ZC3HC1: variants seen among roughly 807,000 people sequenced by gnomAD.
The protein encoded by ZC3HC1 is zinc finger C3HC-type protein 1.
Under a neutral mutation model 61.9 loss-of-function variants are expected in ZC3HC1, and 38 were observed. That is an observed-to-expected ratio of 0.61 (90% confidence interval 0.47 to 0.81). The LOEUF (loss-of-function observed/expected upper bound fraction) is 0.81, where lower values mean the gene tolerates loss of function less well. Among genes scored for constraint, ZC3HC1 ranks in the 30% least tolerant of loss-of-function variants. ZC3HC1 has a pLI of 0.00. For missense variants in ZC3HC1, 554 were observed against 622.7 expected, an observed-to-expected ratio of 0.89 and a Z score of 1.17; for synonymous variants, 213 against 229.9, an observed-to-expected ratio of 0.93 and a Z score of 0.67.
At chr7:130,049,386 A>G (rs1794987391) in intron 1 of ZC3HC1, among the ~76,000 whole-genome samples, 1 of 152,074 alleles carries the variant, frequency 6.6e-6, no homozygotes, top group South Asian at 2.1e-4. Context: ...CCCATATCTA[A>G]ACTTCAATTT....
At chr7:130,034,620 G>A (rs1268855240) in intron 4 of ZC3HC1, among the ~76,000 whole-genome samples, 7 of 151,670 alleles carry the variant, frequency 4.6e-5, no homozygotes, top group African/African-American at 1.5e-4. Context: ...TCAACCTCAC[G>A]AGTAGCTTAG....
intron 4 of ZC3HC1, among the ~76,000 whole-genome samples, chr7:130,031,395 C>A (rs961703139): frequency 2.0e-5 from 3 of 151,530 alleles, no homozygotes; most frequent in African/African-American, 7.3e-5. Flanking sequence ...TTAGCAGTCA[C>A]CGGAGAGCAC....
In ZC3HC1 at chr7:130,047,087, C is replaced by T. The variant is rs191246494; in HGVS notation, c.258+1946G>A. 9.9e-4 allele frequency among the ~76,000 whole-genome samples: 151 copies of T among 152,230 alleles called. 3 individuals carry two copies. The East Asian group carries it at 0.02, about 20-fold the overall frequency. On this transcript the variant is annotated intron_variant, in intron 2 of 9. Coordinates refer to ENST00000358303, the MANE Select transcript of ZC3HC1 (RefSeq NM_016478.5). ...AAGCAATCCTCCTGCCTCAGCCTCC[C>T]GAGTCACTGGGACTACAAGCATGTG...
In ZC3HC1 at chr7:130,026,216, A is replaced by G. The variant is rs1793901034; in HGVS notation, c.718T>C (p.Ser240Pro). The change falls in exon 6 of 10, where the codon TCA (serine) becomes CCA (proline). Residue 240 changes from serine to proline, a missense_variant. By Grantham distance (74) the Ser-to-Pro change is moderately conservative. Coordinates refer to ENST00000358303, the MANE Select transcript of ZC3HC1 (RefSeq NM_016478.5). ...GCAGTGACGTGGACTTGGATGTCTG[A>G]GCCTAATTTGATTGTAGTTTTTCTC... ...DERKTTIKLGSDIQVHVTACI... is the reference protein window; with the variant it reads ...DERKTTIKLGPDIQVHVTACI... The G allele has an allele frequency of 6.2e-7, 1 of 1,614,016 alleles. No homozygotes were observed. Among genetic ancestry groups the G allele is most frequent in the Non-Finnish European group, 8.5e-7 (1 of 1,180,014 alleles).
intron 5 of ZC3HC1, 152 bp from the exon 6 acceptor site, chr7:130,026,464 G>A: frequency 1.3e-6 from 1 of 747,598 alleles, no homozygotes; most frequent in South Asian, 2.0e-5. Context: ...ATACTTCCAG[G>A]GACAGGGCTA....
intron 3 of ZC3HC1, 76 bp downstream of exon 3, chr7:130,040,875 T>C (rs576421461): frequency 4.3e-6 from 6 of 1,411,122 alleles, no homozygotes; most frequent in South Asian, 3.1e-5. Context: ...TAAAATGACC[T>C]TTTTTCCCCC....
chr7:130,026,472 C>A, intron 5 of ZC3HC1, 160 bp from the exon 6 acceptor site: 1 of 686,340 alleles, frequency 1.5e-6, no homozygotes, highest in Non-Finnish European at 2.3e-6. Context: ...AGGGACAGGG[C>A]TATAGTATCA....
intron 9 of ZC3HC1, among the ~76,000 whole-genome samples, chr7:130,021,740 C>T (rs750732426): frequency 4.6e-5 from 7 of 152,094 alleles, no homozygotes; most frequent in Non-Finnish European, 8.8e-5. Flanking sequence ...TTTCTGTTTC[C>T]GTACTCCTTT....
chr7:130,030,749 G>A (rs1041416283), intron 4 of ZC3HC1, among the ~76,000 whole-genome samples: 1 of 151,162 alleles, frequency 6.6e-6, no homozygotes, highest in Non-Finnish European at 1.5e-5. Flanking sequence ...CTCACTGCAG[G>A]ATCCGCCTCC....
chr7:130,024,766 G>A (rs991260996), intron 6 of ZC3HC1, among the ~76,000 whole-genome samples: 3 of 151,808 alleles, frequency 2.0e-5, no homozygotes, highest in Non-Finnish European at 2.9e-5. Context: ...TTTCTCGGCC[G>A]GGTGCAGTGG....
chr7:130,034,877 G>C (rs921035947), intron 4 of ZC3HC1, among the ~76,000 whole-genome samples: 1 of 152,022 alleles, frequency 6.6e-6, no homozygotes, highest in Non-Finnish European at 1.5e-5. Context: ...CTCTACCCTA[G>C]TTCATGTTAT....
rs1793470506 is a variant in ZC3HC1, at chr7:130,018,503, G to A, written c.*161C>T. The A allele has an allele frequency of 3.3e-6, 2 of 606,684 alleles. No individual in the cohort carries two copies. The highest frequency in any genetic ancestry group is 2.3e-5 in the South Asian group (1 of 43,274). 37.6% of individuals were successfully genotyped at this position (606,684 alleles called of 1,614,324 possible). A position where few individuals can be genotyped will look rare whatever the true frequency, so the allele number is the denominator to read the frequency against. On this transcript the variant is annotated 3_prime_UTR_variant, in exon 10 of 10. Coordinates refer to ENST00000358303, the MANE Select transcript of ZC3HC1 (RefSeq NM_016478.5). ...GGAAACGGGTCTCTCTCAGCCAGATGCAGATAGTTGACACTCACTGCCTTT... is the reference window on the plus strand; with the variant it reads ...GGAAACGGGTCTCTCTCAGCCAGATACAGATAGTTGACACTCACTGCCTTT...
At chr7:130,019,753 A>C (rs959239923) in intron 9 of ZC3HC1, among the ~76,000 whole-genome samples, 1 of 150,596 alleles carries the variant, frequency 6.6e-6, no homozygotes, top group Non-Finnish European at 1.5e-5. Flanking sequence ...AGTACAAAGA[A>C]TGTCTAGCAA....
chr7:130,024,855 C>CCAACAA (rs138575332), intron 6 of ZC3HC1, among the ~76,000 whole-genome samples: 11,843 of 138,206 alleles, frequency 0.086, 671 homozygotes, highest in African/African-American at 0.15. Context: ...ACCAGCCTGA[C>CCAACAA]CAACAACAAC....
chr7:130,018,694 A>G lies in ZC3HC1; in HGVS notation c.1479T>C (p.Phe493=), dbSNP rs746856630. 1 of 1,612,784 alleles carries G rather than the reference A, an allele frequency of 6.2e-7. No individual in the cohort carries two copies. Among genetic ancestry groups the G allele is most frequent in the Admixed American group, 1.7e-5 (1 of 59,964 alleles). Residue 493 remains phenylalanine, a synonymous_variant, in exon 10 of 10, where the codon TTT becomes TTC. Coordinates refer to ENST00000358303, the MANE Select transcript of ZC3HC1 (RefSeq NM_016478.5). ...ATGAGCACAGAGATTCCCACTGCCG[A>G]AATATTCGGAATACTTTCCTTGATT... The part of the protein sequence containing the change: ...SEKSRKVFRI[F]RQWESLCSC
At chr7:130,035,155 C>T (rs373430206) in intron 4 of ZC3HC1, among the ~76,000 whole-genome samples, 78 of 152,032 alleles carry the variant, frequency 5.1e-4, no homozygotes, top group African/African-American at 1.8e-3. Flanking sequence ...TTTGGGAGGC[C>T]GAGGAGAGTG....
chr7:130,023,519 TGGA>T lies in ZC3HC1; in HGVS notation c.1222_1224del (p.Ser411del). 1 of 1,614,106 alleles carries T rather than the reference TGGA, an allele frequency of 6.2e-7. No homozygotes were observed. Among genetic ancestry groups the T allele is most frequent in the African/African-American group, 1.3e-5 (1 of 75,044 alleles). ...ATGCGAGGTGGACTCACCGAACTGCTGGAGGAGCAGAGGCGAGCTCGCTTGGCT... is the reference window on the plus strand; with the variant it reads ...ATGCGAGGTGGACTCACCGAACTGCTGGAGCAGAGGCGAGCTCGCTTGGCT... On this transcript the variant is annotated inframe_deletion, in exon 8 of 10. Transcript: ENST00000358303. The surrounding 1 kb of genome is among the most constrained non-coding windows in gnomAD (Gnocchi z 4.2).
At chr7:130,028,781 G>A in intron 5 of ZC3HC1, 121 bp downstream of exon 5, 2 of 1,333,090 alleles carry the variant, frequency 1.5e-6, no homozygotes, top group Non-Finnish European at 2.0e-6. Flanking sequence ...AAGGTCAGAT[G>A]AGAGACAGAC....
At chr7:130,031,234 C>CAGG (rs1228306293) in intron 4 of ZC3HC1, among the ~76,000 whole-genome samples, 3 of 147,946 alleles carry the variant, frequency 2.0e-5, no homozygotes, top group African/African-American at 7.4e-5. Context: ...GAGGCTGAGG[C>CAGG]AGAATCGCTT....
Sources: allele counts gnomAD v4.1 joint callset (sites outside exome capture counted in the v4.1 genomes callset), GRCh38; gene constraint gnomAD v4.1.1; non-coding constraint Gnocchi (gnomAD v3.1); transcripts MANE v1.5; gene names NCBI Gene and HGNC (gene_info 2026-07-23, HGNC 2026-07-21).